PCIF1: variants seen among roughly 807,000 people sequenced by gnomAD.
PCIF1 encodes the protein mRNA (2'-O-methyladenosine-N(6)-)-methyltransferase.
In PCIF1, 12 loss-of-function variants were observed where a neutral mutation model predicts 86.9. That is an observed-to-expected ratio of 0.14 (90% CI 0.09 to 0.22). The LOEUF (loss-of-function observed/expected upper bound fraction) is 0.22. Among genes scored for constraint, PCIF1 ranks in the 10% least tolerant of loss-of-function variants. The pLI, the probability that PCIF1 is intolerant of heterozygous loss-of-function variation, is 1.00. For missense variants in PCIF1, 701 were observed against 951.1 expected, an observed-to-expected ratio of 0.74 and a Z score of 3.46; for synonymous variants, 397 against 372.0, an observed-to-expected ratio of 1.07 and a Z score of -0.77.
chr20:45,942,947 T>A, intron 7 of PCIF1, 150 bp from the exon 8 acceptor site: 1 of 751,920 alleles, frequency 1.3e-6, no homozygotes, highest in Non-Finnish European at 2.1e-6. Flanking sequence ...TAGTGATTCT[T>A]AGAATATATT....
Position 45,943,143 on chromosome 20 carries a change from C to A in PCIF1, c.720C>A (p.Arg240=). The change falls in exon 8 of 17, where the codon CGC becomes CGA. Residue 240 remains arginine, a synonymous_variant. Transcript: ENST00000372409. This position sits in a 1 kb window ranked among gnomAD's most constrained non-coding sequence, Gnocchi z 5.5. ...CTTTCAACCGCTGGATGCTGGAGCG[C>A]AAGGTGGTAGACAAAGGATCTGACC... ...RESFNRWMLE[R]KVVDKGSDPL... is the part of the protein sequence containing the mutation. 2.5e-6 allele frequency: 4 copies of A among 1,614,086 alleles called. No individual in the cohort carries two copies. The highest frequency in any genetic ancestry group is 3.4e-6 in the Non-Finnish European group (4 of 1,180,008).
At position 45,941,277 on chromosome 20, in the gene PCIF1, C is replaced by T. The variant is rs973018988; in HGVS notation, c.673+70C>T. 5.9e-6 allele frequency: 9 copies of T among 1,528,640 alleles called. No homozygotes were observed. In the African/African-American group the frequency reaches 1.2e-4, roughly 21 times the overall value. 94.7% of individuals were successfully genotyped at this position (1,528,640 alleles called of 1,614,324 possible). A position where few individuals can be genotyped will look rare whatever the true frequency, so the allele number is the denominator to read the frequency against. ...TAGCATGAGCCAGGTTTGGCCAGGCCAGTTTGGGGATGGCGGAGTGGGGCC... is the reference window on the plus strand; with the variant it reads ...TAGCATGAGCCAGGTTTGGCCAGGCTAGTTTGGGGATGGCGGAGTGGGGCC... On this transcript the variant is annotated intron_variant, in intron 7 of 16. Transcript: ENST00000372409.
intron 1 of PCIF1, among the ~76,000 whole-genome samples, chr20:45,935,306 C>T (rs1369770568): frequency 6.6e-6 from 1 of 152,258 alleles, no homozygotes; most frequent in East Asian, 1.9e-4. Flanking sequence ...CTGATTGGTA[C>T]ATTGCGGAGA....
chr20:45,942,788 T>TTTTTTTTTTTTTTTTTC (rs745379436), intron 7 of PCIF1, among the ~76,000 whole-genome samples: 2 of 140,706 alleles, frequency 1.4e-5, no homozygotes, highest in Non-Finnish European at 3.1e-5. Flanking sequence ...TTTTTTTTTT[T>TTTTTTTTTTTTTTTTTC]TTTTTGTAGA....
chr20:45,940,961 T>G, intron 6 of PCIF1, 22 bp downstream of exon 6: 1 of 1,614,000 alleles, frequency 6.2e-7, no homozygotes, highest in Non-Finnish European at 8.5e-7. Context: ...CTGATTGGCT[T>G]GGGGGCACCC....
rs1446968865 is a variant in PCIF1, at chr20:45,947,959, C to G, written c.*204C>G. The G allele has an allele frequency of 1.3e-6, 2 of 1,531,504 alleles. No individual in the cohort carries two copies. The allele number at this position is 1,531,504 out of a possible 1,614,324, so 94.9% of individuals were successfully genotyped here. A position where few individuals can be genotyped will look rare whatever the true frequency, so the allele number is the denominator to read the frequency against. On this transcript the variant is annotated 3_prime_UTR_variant, in exon 17 of 17. Coordinates refer to ENST00000372409, the MANE Select transcript of PCIF1 (RefSeq NM_022104.4). The surrounding 1 kb of genome is among the most constrained non-coding windows in gnomAD (Gnocchi z 5.4). The stretch of plus-strand genomic sequence containing the variant: ...TATAGGTCCTGATGCCTTCCCAACC[C>G]CGCCCCTCACCCTGTTGCCACCTTG...
chr20:45,946,497 C>T, intron 14 of PCIF1, 113 bp downstream of exon 14: 3 of 1,228,216 alleles, frequency 2.4e-6, no homozygotes, highest in South Asian at 1.4e-5. Flanking sequence ...TCCCTGCCTC[C>T]ACCTCTTACC....
chr20:45,938,253 CCTT>C (rs1165049575), intron 2 of PCIF1, among the ~76,000 whole-genome samples: 6 of 152,184 alleles, frequency 3.9e-5, no homozygotes, highest in Admixed American at 1.3e-4. Context: ...ATTAGATAGT[CCTT>C]CTTGGTTGCA....
chr20:45,945,995 G>A, intron 12 of PCIF1, 34 bp from the exon 13 acceptor site: 2 of 1,613,138 alleles, frequency 1.2e-6, no homozygotes, highest in South Asian at 1.1e-5. Flanking sequence ...AGGGAGCACT[G>A]CTGAAGGCTC....
Position 45,943,596 on chromosome 20 carries a change from GC to G in PCIF1, c.906-67del, listed in dbSNP as rs1385510984. The stretch of plus-strand genomic sequence containing the variant: ...GAAGCTAGGGGTTGATACCCAGCGA[GC>G]CCATGGAATTGGGATGAGGAGGGTG... On this transcript the variant is annotated intron_variant, in intron 9 of 16. Coordinates refer to ENST00000372409, the MANE Select transcript of PCIF1 (RefSeq NM_022104.4). This position sits in a 1 kb window ranked among gnomAD's most constrained non-coding sequence, Gnocchi z 5.5. 4.4e-5 allele frequency: 64 copies of G among 1,445,030 alleles called. No individual in the cohort carries two copies. Among genetic ancestry groups the G allele is most frequent in the Non-Finnish European group, 5.2e-5 (55 of 1,052,480 alleles). 89.5% of individuals were successfully genotyped at this position (1,445,030 alleles called of 1,614,324 possible).
Position 45,943,017 on chromosome 20 carries a change from C to A in PCIF1, c.674-80C>A. 7.0e-7 allele frequency: 1 copy of A among 1,421,500 alleles called. No homozygotes were observed. 88.1% of individuals were successfully genotyped at this position (1,421,500 alleles called of 1,614,324 possible). On this transcript the variant is annotated intron_variant, in intron 7 of 16. Coordinates refer to ENST00000372409, the MANE Select transcript of PCIF1 (RefSeq NM_022104.4). This position sits in a 1 kb window ranked among gnomAD's most constrained non-coding sequence, Gnocchi z 5.5. ...ACTGTGTCTTGCTTACTGCTGAATGCGATGCTTCCTATACGTGCCAAGCTC... is the reference window on the plus strand; with the variant it reads ...ACTGTGTCTTGCTTACTGCTGAATGAGATGCTTCCTATACGTGCCAAGCTC...
At chr20:45,942,121 G>GGGCA (rs1342010038) in intron 7 of PCIF1, among the ~76,000 whole-genome samples, 3 of 144,094 alleles carry the variant, frequency 2.1e-5, no homozygotes, top group East Asian at 4.2e-4. Flanking sequence ...GACTACAGGT[G>GGGCA]CCTGCCACCA....
At position 45,946,307 on chromosome 20, in the gene PCIF1, C is replaced by T. The variant is rs753235115; in HGVS notation, c.1536C>T (p.Phe512=). ...HRLFGVSFEC[F]ASPLNCYFRQ... ...TCTTTGGCGTCAGCTTCGAGTGCTT[C>T]GCCTCACCCCTCAACTGCTACTTCC... is the stretch of plus-strand genomic sequence containing the variant. The change falls in exon 14 of 17, where the codon TTC becomes TTT. Residue 512 remains phenylalanine, a synonymous_variant. Transcript: ENST00000372409. 9.3e-6 allele frequency: 15 copies of T among 1,614,012 alleles called. No homozygotes were observed. Among genetic ancestry groups the T allele is most frequent in the Admixed American group, 3.3e-5 (2 of 60,008 alleles).
chr20:45,943,661 G>C lies in PCIF1; in HGVS notation c.906-5G>C, dbSNP rs747750017. The C allele has an allele frequency of 4.5e-6, 7 of 1,557,198 alleles. No homozygotes were observed. Among genetic ancestry groups the C allele is most frequent in the Non-Finnish European group, 6.1e-6 (7 of 1,149,848 alleles). On this transcript the variant is annotated splice_polypyrimidine_tract_variant and splice_region_variant and intron_variant, in intron 9 of 16. Coordinates refer to ENST00000372409, the MANE Select transcript of PCIF1 (RefSeq NM_022104.4). The surrounding 1 kb of genome is among the most constrained non-coding windows in gnomAD (Gnocchi z 5.5). ...CCTTTCTTCTGCCCTCCCCTTGACT[G>C]GCAGGAGTGCATCCCCTGACAGTAG...
rs749533120 is a variant in PCIF1, at chr20:45,946,129, G to A, written c.1428+14G>A. ...CGACGGTACCAGGTACAGGCCTGGG[G>A]CAGCAGGGAGGGCTCCCCAGGAGGG... On this transcript the variant is annotated intron_variant, in intron 13 of 16. Transcript: ENST00000372409. 7.4e-6 allele frequency: 12 copies of A among 1,614,092 alleles called. No individual in the cohort carries two copies. The highest frequency in any genetic ancestry group is 1.0e-5 in the Non-Finnish European group (12 of 1,180,050).
At chr20:45,940,965 G>A in intron 6 of PCIF1, 26 bp downstream of exon 6, 1 of 1,614,056 alleles carries the variant, frequency 6.2e-7, no homozygotes, top group Non-Finnish European at 8.5e-7. Context: ...TTGGCTTGGG[G>A]GCACCCATTG....
rs766061514 is a variant in PCIF1, at chr20:45,941,054, G to A, written c.520G>A (p.Val174Ile). ...QQAALLRPTEVYWDLDIQTNA... is the reference protein window; with the variant it reads ...QQAALLRPTEIYWDLDIQTNA... ...CATCACTCCTCTCTGTGCCCCAAGGGTCTACTGGGACCTGGACATCCAGAC... is the reference window on the plus strand; with the variant it reads ...CATCACTCCTCTCTGTGCCCCAAGGATCTACTGGGACCTGGACATCCAGAC... The change falls in exon 7 of 17, where the codon GTC becomes ATC. Residue 174 changes from valine to isoleucine, a missense_variant and splice_region_variant. By Grantham distance (29) the Val-to-Ile change is conservative. Coordinates refer to ENST00000372409, the MANE Select transcript of PCIF1 (RefSeq NM_022104.4). The A allele has an allele frequency of 2.5e-6, 4 of 1,614,076 alleles. No homozygotes were observed. The highest frequency in any genetic ancestry group is 3.4e-6 in the Non-Finnish European group (4 of 1,180,034).
intron 1 of PCIF1, among the ~76,000 whole-genome samples, chr20:45,935,646 A>G (rs955884393): frequency 1.3e-5 from 2 of 152,156 alleles, no homozygotes; most frequent in Non-Finnish European, 2.9e-5. Context: ...CACATAGGAA[A>G]TTAAAAATGG....
chr20:45,946,712 G>A lies in PCIF1; in HGVS notation c.1613+328G>A, dbSNP rs114260416. 3.6e-3 allele frequency among the ~76,000 whole-genome samples: 546 copies of A among 152,252 alleles called. 1 individual carries two copies. The highest frequency in any genetic ancestry group is 0.012 in the African/African-American group (517 of 41,546). On this transcript the variant is annotated intron_variant, in intron 14 of 16. Transcript: ENST00000372409. ...AGAGGCCTTACAAACTAGGGGTTGA[G>A]GTGACCACAGATGAGAGAAGGTAAT...
Sources: allele counts gnomAD v4.1 joint callset (sites outside exome capture counted in the v4.1 genomes callset), GRCh38; gene constraint gnomAD v4.1.1; non-coding constraint Gnocchi (gnomAD v3.1); transcripts MANE v1.5; gene names NCBI Gene and HGNC (gene_info 2026-07-23, HGNC 2026-07-21).